SPATA13: variants seen among roughly 807,000 people sequenced by gnomAD.
SPATA13 encodes the protein spermatogenesis associated 13.
Under a neutral mutation model 104.0 loss-of-function variants are expected in SPATA13, and 50 were observed. The ratio of observed to expected loss-of-function variants is 0.48; its 90% CI spans 0.38 to 0.61. The LOEUF (loss-of-function observed/expected upper bound fraction) is 0.61, where lower values mean the gene tolerates loss of function less well. SPATA13 is among the 20% of genes least tolerant of loss of function. The probability of loss-of-function intolerance (pLI) is 0.00; values close to 1 mark genes in which losing one functional copy is unlikely to be tolerated. For missense variants in SPATA13, 1,524 were observed against 1,690.6 expected, an observed-to-expected ratio of 0.90 and a Z score of 1.73; for synonymous variants, 606 against 667.5, an observed-to-expected ratio of 0.91 and a Z score of 1.42.
At chr13:23,990,760 A>T (rs981713979) in intron 2 of SPATA13, among the ~76,000 whole-genome samples, 2 of 152,204 alleles carry the variant, frequency 1.3e-5, no homozygotes, top group Admixed American at 6.5e-5. Flanking sequence ...CCAGAACCTA[A>T]CATATTGATT....
At chr13:24,033,889 C>T (rs1278857271) in intron 3 of SPATA13, 1 of 152,186 alleles carries the variant, frequency 6.6e-6, no homozygotes, top group Non-Finnish European at 1.5e-5. Context: ...TGGCTTTTAT[C>T]ATGTATCAAC....
At chr13:24,142,232 A>C (rs1881786351) in intron 3 of SPATA13, among the ~76,000 whole-genome samples, 1 of 151,730 alleles carries the variant, frequency 6.6e-6, no homozygotes, top group African/African-American at 2.4e-5. Flanking sequence ...ACTGATTAAA[A>C]CCAGGATATT....
chr13:24,265,166 C>T (rs1014236993), intron 4 of SPATA13, among the ~76,000 whole-genome samples: 1 of 152,160 alleles, frequency 6.6e-6, no homozygotes. Flanking sequence ...TGATGGGGCC[C>T]GCCCCTCCTG....
chr13:24,017,723 T>C (rs1308491710), intron 3 of SPATA13: 1 of 984,772 alleles, frequency 1.0e-6, no homozygotes, highest in Non-Finnish European at 1.2e-6. Context: ...CTCGAGTCCG[T>C]TCTTCCCTCT....
chr13:24,291,691 C>CGGCT (rs1317495715), intron 9 of SPATA13, among the ~76,000 whole-genome samples: 3 of 152,142 alleles, frequency 2.0e-5, no homozygotes, highest in Non-Finnish European at 4.4e-5. Context: ...GTTTGGATCT[C>CGGCT]GGCTTCTCCT....
At chr13:24,129,724 A>C (rs986893143) in intron 3 of SPATA13, among the ~76,000 whole-genome samples, 1 of 152,210 alleles carries the variant, frequency 6.6e-6, no homozygotes, top group African/African-American at 2.4e-5. Context: ...TGTGATGGAC[A>C]CATAGTTATT....
At chr13:24,082,505 A>T (rs1879556583) in intron 3 of SPATA13, among the ~76,000 whole-genome samples, 1 of 152,084 alleles carries the variant, frequency 6.6e-6, no homozygotes. Context: ...CCTTTTCTAT[A>T]CTCAACTACA....
Position 24,161,960 on chromosome 13 carries a change from G to T in SPATA13, c.-112+1028G>T, listed in dbSNP as rs1882515739. Among the ~76,000 whole-genome samples the T allele has an allele frequency of 6.6e-6, 1 of 152,002 alleles. No homozygotes were observed. The highest frequency in any genetic ancestry group is 1.9e-4 in the East Asian group (1 of 5,150). On this transcript the variant is annotated intron_variant, in intron 1 of 12. Transcript: ENST00000382108. This position sits in a 1 kb window ranked among gnomAD's most constrained non-coding sequence, Gnocchi z 4.5. ...TTTATTCCCCTTGCTAACAGGCGGA[G>T]AAATCTCACTCCTTTTCTTTTTCCA...
intron 2 of SPATA13, among the ~76,000 whole-genome samples, chr13:24,236,595 CAAAAA>C (rs60473362): frequency 4.8e-4 from 57 of 118,204 alleles, no homozygotes; most frequent in African/African-American, 1.1e-3. Context: ...GACTCCATCT[CAAAAA>C]AAAAAAAAAA....
intron 1 of SPATA13, among the ~76,000 whole-genome samples, chr13:24,198,524 T>C (rs1870216709): frequency 6.6e-6 from 1 of 152,196 alleles, no homozygotes; most frequent in Admixed American, 6.5e-5. Context: ...CATAGGAATC[T>C]CCCACAGAGG....
At chr13:24,204,457 C>T (rs746864043) in intron 1 of SPATA13, among the ~76,000 whole-genome samples, 21 of 151,930 alleles carry the variant, frequency 1.4e-4, no homozygotes, top group Non-Finnish European at 2.6e-4. Flanking sequence ...ACATTGATGA[C>T]GACTTTAACC....
rs1047635209 is a variant in SPATA13, at chr13:24,304,942, T to C, written c.*2169T>C. 1.3e-5 allele frequency: 2 copies of C among 152,266 alleles called. No individual in the cohort carries two copies. The highest frequency in any genetic ancestry group is 4.8e-5 in the African/African-American group (2 of 41,466). The allele number at this position is 152,266 out of a possible 1,614,324, so 9.4% of individuals were successfully genotyped here. On this transcript the variant is annotated 3_prime_UTR_variant, in exon 13 of 13. Transcript: ENST00000382108. ...TACTAACAAAATACAATGATATATGTTGGAAACTACTTAATATGCTTTTCC... is the reference window on the plus strand; with the variant it reads ...TACTAACAAAATACAATGATATATGCTGGAAACTACTTAATATGCTTTTCC...
At chr13:24,107,237 C>CA (rs11421515) in intron 3 of SPATA13, among the ~76,000 whole-genome samples, 20,563 of 34,280 alleles carry the variant, frequency 0.6, 8,788 homozygotes, top group Middle Eastern at 0.85. Flanking sequence ...GAACAAGAGG[C>CA]AAAAAAAAAA....
intron 2 of SPATA13, among the ~76,000 whole-genome samples, chr13:24,005,179 A>G (rs1026063913): frequency 1.3e-5 from 2 of 152,230 alleles, no homozygotes; most frequent in East Asian, 1.9e-4. Context: ...GAAAGATGAC[A>G]TCAGCATTTA....
At chr13:24,096,082 G>A (rs1417364848) in intron 3 of SPATA13, among the ~76,000 whole-genome samples, 2 of 152,060 alleles carry the variant, frequency 1.3e-5, no homozygotes, top group African/African-American at 2.4e-5. Context: ...TGCTGCCTCC[G>A]TGCATCAGGC....
chr13:23,985,050 C>G (rs1424492615), intron 2 of SPATA13, among the ~76,000 whole-genome samples: 1 of 152,206 alleles, frequency 6.6e-6, no homozygotes, highest in Non-Finnish European at 1.5e-5. Flanking sequence ...GCACCCTCCT[C>G]AAATTAAGGA....
intron 1 of SPATA13, among the ~76,000 whole-genome samples, chr13:24,208,031 G>T (rs1046331656): frequency 9.2e-5 from 14 of 152,224 alleles, no homozygotes; most frequent in Non-Finnish European, 1.5e-4. Flanking sequence ...AGTTGGAGCC[G>T]CACTGCCTGA....
chr13:24,268,408 G>C (rs915133561), intron 4 of SPATA13, among the ~76,000 whole-genome samples: 1 of 152,176 alleles, frequency 6.6e-6, no homozygotes, highest in East Asian at 1.9e-4. Flanking sequence ...TGCCTGTATT[G>C]AATGAATTGT....
At chr13:23,992,063 A>G (rs537422795) in intron 2 of SPATA13, among the ~76,000 whole-genome samples, 2 of 152,340 alleles carry the variant, frequency 1.3e-5, no homozygotes, top group East Asian at 3.9e-4. Context: ...ACCCTCACAA[A>G]ACCTAGGAAG....
Sources: allele counts gnomAD v4.1 joint callset (sites outside exome capture counted in the v4.1 genomes callset), GRCh38; gene constraint gnomAD v4.1.1; non-coding constraint Gnocchi (gnomAD v3.1); transcripts MANE v1.5; gene names NCBI Gene and HGNC (gene_info 2026-07-23, HGNC 2026-07-21).